The following UTS2B variants were observed in gnomAD, a reference collection of about 807,000 sequenced individuals.
UTS2B encodes urotensin 2B.
A neutral mutation model predicts 19.2 loss-of-function variants in UTS2B; 21 were observed. That is an observed-to-expected ratio of 1.09 (90% CI 0.78 to 1.58). The LOEUF (loss-of-function observed/expected upper bound fraction) is 1.58, where lower values mean the gene tolerates loss of function less well. UTS2B is among the 40% of genes most tolerant of loss of function. The probability of loss-of-function intolerance (pLI) is 0.00; values close to 1 mark genes in which losing one functional copy is unlikely to be tolerated. For synonymous variants in UTS2B, 57 were observed against 50.2 expected, an observed-to-expected ratio of 1.14 and a Z score of -0.58; for missense variants, 138 against 130.3, an observed-to-expected ratio of 1.06 and a Z score of -0.29.
intron 4 of UTS2B, among the ~76,000 whole-genome samples, chr3:191,286,767 A>G (rs867919826): frequency 1.9e-4 from 29 of 152,252 alleles, no homozygotes; most frequent in Middle Eastern, 6.8e-3. Context: ...AATAAAGATC[A>G]GAGCAGAAAT....
chr3:191,329,601 G>T, intron 1 of UTS2B: 2 of 1,512,158 alleles, frequency 1.3e-6, no homozygotes, highest in South Asian at 2.4e-5. Flanking sequence ...CTGCTGCTGC[G>T]CTCGGGGCCC....
intron 2 of UTS2B, among the ~76,000 whole-genome samples, chr3:191,317,322 C>T (rs1361190086): frequency 6.6e-6 from 1 of 152,226 alleles, no homozygotes; most frequent in Non-Finnish European, 1.5e-5. Flanking sequence ...CCTGTACCCA[C>T]CTGGAACTCG....
chr3:191,313,232 T>C (rs1342861227), intron 3 of UTS2B, among the ~76,000 whole-genome samples: 2 of 152,140 alleles, frequency 1.3e-5, no homozygotes, highest in African/African-American at 4.8e-5. Flanking sequence ...TGACTACAAG[T>C]GATCCACCCA....
intron 5 of UTS2B, 119 bp downstream of exon 5, chr3:191,281,968 T>C (rs1716398744): frequency 1.4e-6 from 1 of 731,854 alleles, no homozygotes; most frequent in Non-Finnish European, 2.3e-6. Flanking sequence ...ATTTGGCTAT[T>C]AAATAATATT....
At chr3:191,270,673 C>G (rs563320762) in intron 8 of UTS2B, among the ~76,000 whole-genome samples, 20 of 151,930 alleles carry the variant, frequency 1.3e-4, no homozygotes, top group African/African-American at 4.6e-4. Flanking sequence ...TTTTCTTTAA[C>G]AAAAAGTTCA....
rs564703034 is a variant in UTS2B at position 191,298,835 on chromosome 3, G to A, written c.-125+5657C>T. Among the ~76,000 whole-genome samples, 265 of 152,264 alleles carry A rather than the reference G, an allele frequency of 1.7e-3. 1 individual carries two copies. The highest frequency in any genetic ancestry group is 6.2e-3 in the African/African-American group (256 of 41,546). On this transcript the variant is annotated intron_variant, in intron 4 of 8. Coordinates refer to ENST00000340524, the MANE Select transcript of UTS2B (RefSeq NM_198152.5). Reference sequence around the variant, plus strand: ...TAACCAAAATCTTGATAATGATATCGACAGTGAAGTCCAGGATAAAGGGGG... The same window carrying A: ...TAACCAAAATCTTGATAATGATATCAACAGTGAAGTCCAGGATAAAGGGGG...
In UTS2B at chr3:191,271,200, C is replaced by CAAAAAAAAAA. The variant is rs66756396; in HGVS notation, c.335-2769_335-2760dup. On this transcript the variant is annotated intron_variant, in intron 8 of 8. Coordinates refer to ENST00000340524, the MANE Select transcript of UTS2B (RefSeq NM_198152.5). ...GCCTGGTGACAGAGTGAGACTCTCT[C>CAAAAAAAAAA]AAAAAAAAAAAAAAAAAAAAAAAAA... Among the ~76,000 whole-genome samples, 10 of 52,740 alleles carry CAAAAAAAAAA rather than the reference C, an allele frequency of 1.9e-4. 1 individual carries two copies. The highest frequency in any genetic ancestry group is 5.8e-4 in the African/African-American group (8 of 13,890). The allele number at this position is 52,740 out of a possible 152,430, so 34.6% of individuals were successfully genotyped here.
intron 4 of UTS2B, among the ~76,000 whole-genome samples, chr3:191,291,080 T>G (rs888692118): frequency 1.3e-5 from 2 of 152,176 alleles, no homozygotes; most frequent in Admixed American, 6.5e-5. Context: ...TTTTTTCATT[T>G]AAAAGAGTTA....
chr3:191,318,600 G>A (rs1717529320), intron 2 of UTS2B, among the ~76,000 whole-genome samples: 1 of 152,186 alleles, frequency 6.6e-6, no homozygotes. Flanking sequence ...CTCCTGAGTA[G>A]CTGGAACCAC....
intron 3 of UTS2B, among the ~76,000 whole-genome samples, chr3:191,308,474 G>C (rs1278443878): frequency 6.6e-6 from 1 of 152,174 alleles, no homozygotes; most frequent in Non-Finnish European, 1.5e-5. Context: ...TTGTTTAGAG[G>C]TTTCAAGATG....
the UTS2B span, among the ~76,000 whole-genome samples, chr3:191,346,121 G>A: frequency 6.6e-6 from 1 of 152,096 alleles, no homozygotes; most frequent in Non-Finnish European, 1.5e-5. Context: ...CCATATGTGG[G>A]CTTTACTTTT....
At chr3:191,277,611 TTCA>T (rs1245899026) in intron 6 of UTS2B, 1 of 152,148 alleles carries the variant, frequency 6.6e-6, no homozygotes, top group Non-Finnish European at 1.5e-5. Context: ...AAATTTTTCA[TTCA>T]TCATCTGTAC....
intron 4 of UTS2B, among the ~76,000 whole-genome samples, chr3:191,300,149 A>T (rs958123389): frequency 2.6e-5 from 4 of 152,110 alleles, no homozygotes; most frequent in African/African-American, 9.7e-5. Context: ...CTCCTGGTTC[A>T]AGCGATTCTC....
chr3:191,302,764 A>G (rs932889371), intron 4 of UTS2B, among the ~76,000 whole-genome samples: 4 of 152,208 alleles, frequency 2.6e-5, no homozygotes, highest in Non-Finnish European at 5.9e-5. Context: ...GGACTCAGAA[A>G]AATTATGCCC....
At chr3:191,317,581 TG>T (rs1717500618) in intron 2 of UTS2B, among the ~76,000 whole-genome samples, 1 of 152,040 alleles carries the variant, frequency 6.6e-6, no homozygotes, top group Non-Finnish European at 1.5e-5. Context: ...TTGTTGTTGT[TG>T]TTGTTGTTGT....
chr3:191,275,434 A>C, intron 7 of UTS2B, 89 bp from the exon 8 acceptor site: 3 of 1,006,492 alleles, frequency 3.0e-6, no homozygotes, highest in African/African-American at 1.6e-5. Context: ...TAATCCCAGC[A>C]CTTCGGGAGG....
At chr3:191,326,728 T>G (rs140761105) in intron 2 of UTS2B, among the ~76,000 whole-genome samples, 44 of 152,336 alleles carry the variant, frequency 2.9e-4, no homozygotes, top group African/African-American at 1.0e-3. Context: ...ATATGTTCAT[T>G]CCCTATAAAT....
At position 191,323,325 on chromosome 3, in the gene UTS2B, T is replaced by G. The variant is rs567625705; in HGVS notation, c.-586+5306A>C. ...ACTAGGGCTACAGGCATGGACACCA[T>G]GCCCAGCTAATTCTTGTATTTTTAG... On this transcript the variant is annotated intron_variant, in intron 2 of 8. Transcript: ENST00000340524. 1.8e-4 allele frequency among the ~76,000 whole-genome samples: 28 copies of G among 152,138 alleles called. No individual in the cohort carries two copies. The South Asian group carries it at 3.5e-3, about 19-fold the overall frequency.
intron 4 of UTS2B, among the ~76,000 whole-genome samples, chr3:191,289,670 TAAAAC>T (rs993387237): frequency 1.6e-4 from 25 of 152,014 alleles, no homozygotes; most frequent in African/African-American, 5.6e-4. Context: ...TTCAATAAAA[TAAAAC>T]AGACACAGAA....
Sources: allele counts gnomAD v4.1 joint callset (sites outside exome capture counted in the v4.1 genomes callset), GRCh38; gene constraint gnomAD v4.1.1; transcripts MANE v1.5; gene names NCBI Gene and HGNC (gene_info 2026-07-23, HGNC 2026-07-21).